Variants in PCDHA11 observed in about 807,000 individuals in gnomAD.
PCDHA11 encodes protocadherin alpha 11, also known as protocadherin alpha-11.
A neutral mutation model predicts 70.3 loss-of-function variants in PCDHA11; 61 were observed. That is an observed-to-expected ratio of 0.87 (90% CI 0.71 to 1.07). The LOEUF is 1.07. Among genes scored for constraint, PCDHA11 ranks in the 50% least tolerant of loss-of-function variants. The pLI, the probability that PCDHA11 is intolerant of heterozygous loss-of-function variation, is 0.00. For synonymous variants in PCDHA11, 633 were observed against 555.1 expected, an observed-to-expected ratio of 1.14 and a Z score of -1.97; for missense variants, 1,324 against 1,237.5, an observed-to-expected ratio of 1.07 and a Z score of -1.05.
chr5:140,926,065 G>A (rs1302106382), intron 1 of PCDHA11, among the ~76,000 whole-genome samples: 3 of 152,176 alleles, frequency 2.0e-5, no homozygotes, highest in Non-Finnish European at 2.9e-5. Context: ...TCCCCTCCTT[G>A]TCGTCTCTAT....
intron 1 of PCDHA11, among the ~76,000 whole-genome samples, chr5:140,879,556 A>G (rs2058036538): frequency 6.6e-6 from 1 of 152,240 alleles, no homozygotes; most frequent in South Asian, 2.1e-4. Context: ...AAAATAATCC[A>G]TGAAAGAATA....
At chr5:140,946,629 T>TATATATATATATAC (rs1367833800) in intron 1 of PCDHA11, among the ~76,000 whole-genome samples, 1 of 123,274 alleles carries the variant, frequency 8.1e-6, no homozygotes, top group Admixed American at 8.1e-5. Flanking sequence ...TATATATATA[T>TATATATATATATAC]ATACAATGGA....
chr5:140,937,442 A>AAAATATCATTTTAAAATATCATTAT (rs2091531773), intron 1 of PCDHA11, among the ~76,000 whole-genome samples: 1 of 152,160 alleles, frequency 6.6e-6, no homozygotes, highest in Non-Finnish European at 1.5e-5. Context: ...ATGCTATTTT[A>AAAATATCATTTTAAAATATCATTAT]AAAGTTTAAT....
At chr5:140,972,612 C>T (rs1554234244) in intron 1 of PCDHA11, among the ~76,000 whole-genome samples, 2 of 151,080 alleles carry the variant, frequency 1.3e-5, no homozygotes, top group African/African-American at 4.9e-5. Context: ...GAACTTGATA[C>T]TGAATGTTGT....
chr5:140,961,477 G>T (rs2095615587), intron 1 of PCDHA11, among the ~76,000 whole-genome samples: 1 of 152,006 alleles, frequency 6.6e-6, no homozygotes, highest in African/African-American at 2.4e-5. Flanking sequence ...TTTTTGTCTT[G>T]TCCACGTGAG....
At chr5:140,948,942 T>TA (rs34363674) in intron 1 of PCDHA11, among the ~76,000 whole-genome samples, 48,005 of 151,444 alleles carry the variant, frequency 0.32, 7,947 homozygotes, top group East Asian at 0.53. Flanking sequence ...TCTTCTAATA[T>TA]AAAAAAATTA....
intron 1 of PCDHA11, among the ~76,000 whole-genome samples, chr5:140,936,730 T>C (rs2091111568): frequency 6.6e-6 from 1 of 152,258 alleles, no homozygotes; most frequent in Non-Finnish European, 1.5e-5. Flanking sequence ...GTGTTAAATA[T>C]AGTAACTTTT....
chr5:140,927,822 T>A (rs1554205109), intron 1 of PCDHA11: 1 of 1,614,152 alleles, frequency 6.2e-7, no homozygotes, highest in Admixed American at 1.7e-5. Context: ...AGGCATACAT[T>A]GAGGCGAGGG....
chr5:140,908,587 T>G (rs186345728), intron 1 of PCDHA11, among the ~76,000 whole-genome samples: 3 of 152,298 alleles, frequency 2.0e-5, no homozygotes, highest in East Asian at 3.9e-4. Context: ...AGTAGTTAGC[T>G]GCAGAAGATG....
At position 140,871,134 on chromosome 5, in the gene PCDHA11, C is replaced by T; in HGVS notation, c.2031C>T (p.Ala677=). Reference sequence around the variant, plus strand: ...TGGAGAGCGGACAGGCGCCAAAGGCCTCTTCCCGGACTTTGGCGGGCGCCG... The same window carrying T: ...TGGAGAGCGGACAGGCGCCAAAGGCTTCTTCCCGGACTTTGGCGGGCGCCG... ...SLVESGQAPK[A]SSRTLAGAAS... The change falls in exon 1 of 4, where the codon GCC becomes GCT. Residue 677 remains alanine, a synonymous_variant. Transcript: ENST00000398640. 6.2e-7 allele frequency: 1 copy of T among 1,613,414 alleles called. No individual in the cohort carries two copies. The highest frequency in any genetic ancestry group is 8.5e-7 in the Non-Finnish European group (1 of 1,179,908).
rs553749529 is a variant in PCDHA11, at chr5:140,931,877, G to C, written c.2392-47072G>C. 3.3e-5 allele frequency among the ~76,000 whole-genome samples: 5 copies of C among 151,886 alleles called. No individual in the cohort carries two copies. The South Asian group carries it at 8.3e-4, about 25-fold the overall frequency. The stretch of plus-strand genomic sequence containing the variant: ...GGATTCTAGAAATAAAATATTTATT[G>C]CTTTCATTTTATTTCAAATCATTTG... On this transcript the variant is annotated intron_variant, in intron 1 of 3. Coordinates refer to ENST00000398640, the MANE Select transcript of PCDHA11 (RefSeq NM_018902.5).
chr5:140,886,328 C>T (rs1554182483), intron 1 of PCDHA11, among the ~76,000 whole-genome samples: 1 of 151,922 alleles, frequency 6.6e-6, no homozygotes, highest in African/African-American at 2.4e-5. Context: ...TTCTGGGATA[C>T]ATGTGCAGAA....
chr5:140,978,789 A>G (rs2153817382), intron 1 of PCDHA11, 160 bp from the exon 2 acceptor site: 22 of 974,564 alleles, frequency 2.3e-5, no homozygotes, highest in Non-Finnish European at 2.6e-5. Flanking sequence ...CTAAAGTGCT[A>G]TATATGTAGA....
chr5:140,946,875 G>T (rs1283632599), intron 1 of PCDHA11, among the ~76,000 whole-genome samples: 1 of 151,288 alleles, frequency 6.6e-6, no homozygotes, highest in Non-Finnish European at 1.5e-5. Flanking sequence ...TGGTCAATGG[G>T]TACGAAGTTA....
intron 1 of PCDHA11, among the ~76,000 whole-genome samples, chr5:140,899,097 T>A (rs1160754058): frequency 2.0e-5 from 3 of 151,826 alleles, no homozygotes; most frequent in Non-Finnish European, 4.4e-5. Flanking sequence ...TGGGCTGAGA[T>A]AATGGGGTTT....
intron 1 of PCDHA11, chr5:140,969,147 A>C (rs781909774): frequency 1.2e-6 from 2 of 1,614,172 alleles, no homozygotes; most frequent in South Asian, 2.2e-5. Flanking sequence ...TACTGCTACA[A>C]GGCCTGTCTG....
intron 1 of PCDHA11, among the ~76,000 whole-genome samples, chr5:140,897,060 A>G (rs2153455161): frequency 6.6e-6 from 1 of 152,068 alleles, no homozygotes; most frequent in East Asian, 1.9e-4. Flanking sequence ...GTCAAATACT[A>G]TGTCTTATTC....
intron 1 of PCDHA11, among the ~76,000 whole-genome samples, chr5:140,940,208 A>T (rs1193106137): frequency 6.6e-6 from 1 of 152,164 alleles, no homozygotes; most frequent in Non-Finnish European, 1.5e-5. Flanking sequence ...AAAATTCAAG[A>T]TTGGCATTTA....
chr5:140,928,994 T>C, intron 1 of PCDHA11: 1 of 1,613,992 alleles, frequency 6.2e-7, no homozygotes. Context: ...TGCTTACTTT[T>C]CTTCGTGTGT....
Sources: allele counts gnomAD v4.1 joint callset (sites outside exome capture counted in the v4.1 genomes callset), GRCh38; gene constraint gnomAD v4.1.1; transcripts MANE v1.5; gene names NCBI Gene and HGNC (gene_info 2026-07-23, HGNC 2026-07-21).